Variants in ASTN2 observed in about 807,000 individuals in gnomAD.
The protein encoded by ASTN2 is astrotactin-2.
Under a neutral mutation model 139.8 loss-of-function variants are expected in ASTN2, and 54 were observed. That is an observed-to-expected ratio of 0.39 (90% CI 0.31 to 0.48). ASTN2 has a LOEUF of 0.48. Among genes scored for constraint, ASTN2 ranks in the 20% least tolerant of loss-of-function variants. The pLI is 0.95. For missense variants in ASTN2, 1,565 were observed against 1,725.1 expected, an observed-to-expected ratio of 0.91 and a Z score of 1.64; for synonymous variants, 756 against 719.5, an observed-to-expected ratio of 1.05 and a Z score of -0.81.
At chr9:116,931,514 A>T (rs1306902310) in intron 10 of ASTN2, among the ~76,000 whole-genome samples, 2 of 152,226 alleles carry the variant, frequency 1.3e-5, no homozygotes, top group African/African-American at 4.8e-5. Flanking sequence ...TTGTGGGGGA[A>T]TATAGTTAAC....
chr9:116,963,548 C>A (rs1206494256), intron 10 of ASTN2, among the ~76,000 whole-genome samples: 1 of 152,086 alleles, frequency 6.6e-6, no homozygotes, highest in Non-Finnish European at 1.5e-5. Context: ...TGGGGATGTG[C>A]ACAGAGTGTG....
At chr9:116,645,294 A>G (rs1440880881) in intron 17 of ASTN2, among the ~76,000 whole-genome samples, 1 of 152,210 alleles carries the variant, frequency 6.6e-6, no homozygotes, top group Non-Finnish European at 1.5e-5. Flanking sequence ...TGGGCTGTGT[A>G]AGAGCCATTT....
chr9:116,783,501 T>C lies in ASTN2; in HGVS notation c.2396+22131A>G, dbSNP rs146000383. Reference sequence around the variant, plus strand: ...AGAAGGAGAAACAATTAGCATGTAGTGAGCATCTACTATGCATCTGTTGCT... The same window carrying C: ...AGAAGGAGAAACAATTAGCATGTAGCGAGCATCTACTATGCATCTGTTGCT... On this transcript the variant is annotated intron_variant, in intron 13 of 22. Coordinates refer to ENST00000313400, the MANE Select transcript of ASTN2 (RefSeq NM_001365068.1). 3.1e-3 allele frequency among the ~76,000 whole-genome samples: 478 copies of C among 152,308 alleles called. 4 individuals carry two copies. Among genetic ancestry groups the C allele is most frequent in the African/African-American group, 0.011 (453 of 41,554 alleles).
intron 13 of ASTN2, among the ~76,000 whole-genome samples, chr9:116,772,481 A>G (rs1251542421): frequency 1.3e-5 from 2 of 152,190 alleles, no homozygotes; most frequent in African/African-American, 4.8e-5. Context: ...TAAATTACCC[A>G]GCCTCAAGTA....
chr9:116,760,119 G>A (rs1224159231), intron 13 of ASTN2, among the ~76,000 whole-genome samples: 4 of 152,168 alleles, frequency 2.6e-5, no homozygotes, highest in East Asian at 3.9e-4. Context: ...CAAAGCACAT[G>A]TGCACATACT....
In ASTN2 at chr9:116,602,916, C is replaced by T. The variant is rs76720682; in HGVS notation, c.3355+15408G>A. Reference sequence around the variant, plus strand: ...GTGCACTCCAGCCTGGGTGACAGAGCGAGACCTCCATCTCAAAGAATGATG... The same window carrying T: ...GTGCACTCCAGCCTGGGTGACAGAGTGAGACCTCCATCTCAAAGAATGATG... On this transcript the variant is annotated intron_variant, in intron 19 of 22. Coordinates refer to ENST00000313400, the MANE Select transcript of ASTN2 (RefSeq NM_001365068.1). Among the ~76,000 whole-genome samples the T allele has an allele frequency of 3.4e-3, 510 of 152,190 alleles. 1 individual carries two copies. The highest frequency in any genetic ancestry group is 5.1e-3 in the Non-Finnish European group (348 of 67,998).
At chr9:117,355,733 A>G (rs1040701850) in intron 1 of ASTN2, among the ~76,000 whole-genome samples, 2 of 152,038 alleles carry the variant, frequency 1.3e-5, no homozygotes, top group Admixed American at 6.6e-5. Context: ...GTGATGCCAG[A>G]GTCTGTCGGC....
intron 13 of ASTN2, among the ~76,000 whole-genome samples, chr9:116,784,618 G>A (rs1437669886): frequency 6.6e-6 from 1 of 152,066 alleles, no homozygotes; most frequent in East Asian, 1.9e-4. Context: ...AGCAGAATGT[G>A]TGACCAACCA....
At chr9:117,372,686 A>G (rs996180982) in intron 1 of ASTN2, among the ~76,000 whole-genome samples, 1 of 152,192 alleles carries the variant, frequency 6.6e-6, no homozygotes, top group Non-Finnish European at 1.5e-5. Flanking sequence ...ATGATATTGA[A>G]TTAATTTTAT....
At chr9:116,779,124 G>A (rs2132200881) in intron 13 of ASTN2, among the ~76,000 whole-genome samples, 1 of 151,836 alleles carries the variant, frequency 6.6e-6, no homozygotes, top group East Asian at 1.9e-4. Context: ...CCATATCTCT[G>A]TGTGCCCTCC....
At chr9:117,338,136 AT>A (rs1452489135) in intron 1 of ASTN2, among the ~76,000 whole-genome samples, 4 of 152,228 alleles carry the variant, frequency 2.6e-5, no homozygotes, top group African/African-American at 7.2e-5. Flanking sequence ...GAACAGAAGG[AT>A]TAGGAAAGAT....
At chr9:117,119,043 T>G (rs1007910069) in intron 4 of ASTN2, among the ~76,000 whole-genome samples, 1 of 152,212 alleles carries the variant, frequency 6.6e-6, no homozygotes, top group African/African-American at 2.4e-5. Flanking sequence ...CTTTGTCTTT[T>G]TATCACCATA....
intron 19 of ASTN2, among the ~76,000 whole-genome samples, chr9:116,580,584 A>G (rs1300645088): frequency 6.6e-6 from 1 of 152,242 alleles, no homozygotes; most frequent in Admixed American, 6.5e-5. Flanking sequence ...ATGGCCAGCC[A>G]TAATTGCAGA....
chr9:116,745,479 C>T (rs574097594), intron 13 of ASTN2, among the ~76,000 whole-genome samples: 48 of 152,320 alleles, frequency 3.2e-4, no homozygotes, highest in Non-Finnish European at 2.1e-4. Context: ...CCTTCTGTTT[C>T]CACAGCACTT....
intron 2 of ASTN2, among the ~76,000 whole-genome samples, chr9:117,279,331 C>G (rs1372740441): frequency 1.3e-5 from 2 of 152,192 alleles, no homozygotes; most frequent in Admixed American, 1.3e-4. Context: ...TGTGATCATA[C>G]TAGAGAGTTG....
chr9:117,234,402 C>T (rs1453009921), intron 2 of ASTN2, among the ~76,000 whole-genome samples: 2 of 152,152 alleles, frequency 1.3e-5, no homozygotes, highest in African/African-American at 2.4e-5. Flanking sequence ...CCTGAACCGG[C>T]CATGTGTCTC....
At chr9:116,575,287 G>A (rs751551445) in intron 19 of ASTN2, among the ~76,000 whole-genome samples, 38 of 151,224 alleles carry the variant, frequency 2.5e-4, no homozygotes, top group Non-Finnish European at 4.3e-4. Context: ...GTTCTGGAAT[G>A]TATAATTAAA....
At chr9:116,701,556 A>G (rs1861169385) in intron 16 of ASTN2, among the ~76,000 whole-genome samples, 1 of 152,192 alleles carries the variant, frequency 6.6e-6, no homozygotes, top group African/African-American at 2.4e-5. Context: ...TGGAGAGAGA[A>G]ATATAATATT....
chr9:116,663,290 C>T (rs1858670191), intron 16 of ASTN2, among the ~76,000 whole-genome samples: 1 of 152,162 alleles, frequency 6.6e-6, no homozygotes, highest in African/African-American at 2.4e-5. Flanking sequence ...TATACCAGCC[C>T]ACCTTGGGGC....
Sources: allele counts gnomAD v4.1 joint callset (sites outside exome capture counted in the v4.1 genomes callset), GRCh38; gene constraint gnomAD v4.1.1; transcripts MANE v1.5; gene names NCBI Gene and HGNC (gene_info 2026-07-23, HGNC 2026-07-21).